The following CCT6A variants were observed in gnomAD, a reference collection of about 807,000 sequenced individuals.
CCT6A encodes the protein chaperonin containing TCP1 subunit 6A, also known as T-complex protein 1 subunit zeta.
Under a neutral mutation model 58.6 loss-of-function variants are expected in CCT6A, and 6 were observed. The observed-to-expected ratio is 0.10, with a 90% CI of 0.06 to 0.20. The LOEUF (loss-of-function observed/expected upper bound fraction) is 0.20, where lower values mean the gene tolerates loss of function less well. Among genes scored for constraint, CCT6A ranks in the 10% least tolerant of loss-of-function variants. The pLI, the probability that CCT6A is intolerant of heterozygous loss-of-function variation, is 1.00. For missense variants in CCT6A, 516 were observed against 648.8 expected (o/e 0.80, Z 2.22); for synonymous variants, 245 against 227.8 (o/e 1.08, Z -0.68).
chr7:56,062,080 G>T, intron 12 of CCT6A: 1 of 381,560 alleles, frequency 2.6e-6, no homozygotes, highest in Non-Finnish European at 4.7e-6. Context: ...ATGTTGAGTG[G>T]TGGTAGATGG....
chr7:56,051,910 C>G lies in CCT6A; in HGVS notation c.62C>G (p.Ala21Gly). ...GTGGCCCGAGCGCAGGCGGCGCTGG[C>G]GGTCAACATCAGCGCAGCGCGGGGT... ...AEVARAQAALAVNISAARGLQ... is the reference protein window; with the variant it reads ...AEVARAQAALGVNISAARGLQ... The change falls in exon 1 of 14, where the codon GCG (alanine) becomes GGG (glycine). Residue 21 changes from alanine (A) to glycine (G), a missense_variant. By Grantham distance (60) the Ala-to-Gly change is moderately conservative. This residue lies in a region of CCT6A where 116 missense variants were observed against 184.5 expected (regional missense o/e 0.63). Coordinates refer to ENST00000275603, the MANE Select transcript of CCT6A (RefSeq NM_001762.4). The G allele has an allele frequency of 2.6e-6, 4 of 1,553,308 alleles. No homozygotes were observed. Among genetic ancestry groups the G allele is most frequent in the Non-Finnish European group, 3.5e-6 (4 of 1,148,492 alleles).
chr7:56,058,535 C>T lies in CCT6A; in HGVS notation c.885+14C>T, dbSNP rs1562850624. 2 of 1,585,658 alleles carry T rather than the reference C, an allele frequency of 1.3e-6. No homozygotes were observed. Among genetic ancestry groups the T allele is most frequent in the African/African-American group, 2.7e-5 (2 of 73,518 alleles). ...ATTAATCAAAAGGTGAGAATGAAAA[C>T]TCAATGTATAAACTAAATAGTACGT... is the stretch of plus-strand genomic sequence containing the variant. On this transcript the variant is annotated intron_variant, in intron 7 of 13. Transcript: ENST00000275603.
chr7:56,059,269 G>A (rs1299658821), intron 8 of CCT6A, among the ~76,000 whole-genome samples: 1 of 152,066 alleles, frequency 6.6e-6, no homozygotes, highest in African/African-American at 2.4e-5. Flanking sequence ...CCAAAGTGTT[G>A]GGATTACAGG....
intron 13 of CCT6A, 59 bp downstream of exon 13, chr7:56,062,814 TTC>T: frequency 1.4e-6 from 2 of 1,451,110 alleles, no homozygotes; most frequent in Non-Finnish European, 1.9e-6. Flanking sequence ...TCATTTGGTG[TTC>T]TCTGTTTAGT....
chr7:56,053,810 T>C (rs957655909), intron 2 of CCT6A, among the ~76,000 whole-genome samples: 1 of 152,108 alleles, frequency 6.6e-6, no homozygotes, highest in African/African-American at 2.4e-5. Context: ...ACAGCGTAGG[T>C]AGAGAGAAGC....
chr7:56,061,034 A>G, intron 11 of CCT6A, 94 bp downstream of exon 11: 1 of 1,386,460 alleles, frequency 7.2e-7, no homozygotes, highest in Non-Finnish European at 9.7e-7. Flanking sequence ...GATTTTGGAT[A>G]AGCAAGTTTG....
chr7:56,060,184 C>G (rs1179442643), intron 9 of CCT6A, 85 bp from the exon 10 acceptor site: 1 of 1,143,164 alleles, frequency 8.7e-7, no homozygotes, highest in African/African-American at 1.5e-5. Flanking sequence ...TATTAATATG[C>G]TACTTGTCAT....
At chr7:56,056,942 G>A (rs1251218992) in intron 5 of CCT6A, among the ~76,000 whole-genome samples, 2 of 151,582 alleles carry the variant, frequency 1.3e-5, no homozygotes, top group Admixed American at 6.6e-5. Flanking sequence ...GACTACAGGC[G>A]CCCGCCACCA....
Position 56,058,484 on chromosome 7 carries a change from G to A in CCT6A, c.848G>A (p.Gly283Asp). The A allele has an allele frequency of 6.3e-7, 1 of 1,597,070 alleles. No individual in the cohort carries two copies. The highest frequency in any genetic ancestry group is 1.1e-5 in the South Asian group (1 of 87,290). The change falls in exon 7 of 14, where the codon GGC (glycine) becomes GAC (aspartate). Residue 283 changes from glycine (G) to aspartate (D), a missense_variant. By Grantham distance (94) the Gly-to-Asp change is moderately conservative. This residue lies in a region of CCT6A where 315 missense variants were observed against 389.4 expected (regional missense o/e 0.81). Coordinates refer to ENST00000275603, the MANE Select transcript of CCT6A (RefSeq NM_001762.4). The stretch of plus-strand genomic sequence containing the variant: ...ATAGAACTGAAAAGGAAAGTCTGTG[G>A]CGATTCAGATAAAGGATTTGTTGTT... ...KIIELKRKVC[G>D]DSDKGFVVIN...
rs770432509 is a variant in CCT6A at position 56,058,634 on chromosome 7, T to G, written c.900T>G (p.Phe300Leu). 2 of 1,606,522 alleles carry G rather than the reference T, an allele frequency of 1.2e-6. No individual in the cohort carries two copies. The highest frequency in any genetic ancestry group is 1.7e-6 in the Non-Finnish European group (2 of 1,173,916). Reference sequence around the variant, plus strand: ...TTTTGTTACAGGGAATTGACCCCTTTTCCTTAGATGCTCTTTCAAAAGAAG... The same window carrying G: ...TTTTGTTACAGGGAATTGACCCCTTGTCCTTAGATGCTCTTTCAAAAGAAG... ...VVINQKGIDP[F>L]SLDALSKEGI... Residue 300 changes from phenylalanine to leucine, a missense_variant, in exon 8 of 14, where the codon TTT becomes TTG. Around this residue, in one of 3 missense-constraint regions of CCT6A, gnomAD observed 315 missense variants for 389.4 expected, o/e 0.81. Coordinates refer to ENST00000275603, the MANE Select transcript of CCT6A (RefSeq NM_001762.4).
chr7:56,051,896 G>T lies in CCT6A; in HGVS notation c.48G>T (p.Ala16=), dbSNP rs1299665078. Residue 16 remains alanine (A), a synonymous_variant, in exon 1 of 14, where the codon GCG becomes GCT. Coordinates refer to ENST00000275603, the MANE Select transcript of CCT6A (RefSeq NM_001762.4). ...TLNPKAEVAR[A]QAALAVNISA... ...ACCCCAAGGCCGAGGTGGCCCGAGC[G>T]CAGGCGGCGCTGGCGGTCAACATCA... 1.3e-6 allele frequency: 2 copies of T among 1,556,624 alleles called. No individual in the cohort carries two copies. The highest frequency in any genetic ancestry group is 1.9e-5 in the Admixed American group (1 of 51,952).
intron 11 of CCT6A, 68 bp from the exon 12 acceptor site, chr7:56,061,679 T>C (rs576674343): frequency 0.02 from 8,648 of 440,584 alleles, 79 homozygotes; most frequent in East Asian, 0.045. Flanking sequence ...TTTTTTTTTT[T>C]TTTTTTTTTT....
chr7:56,063,215 C>T lies in CCT6A; in HGVS notation c.*130C>T. On this transcript the variant is annotated 3_prime_UTR_variant, in exon 14 of 14. Transcript: ENST00000275603. ...TCCCATATGAAAAAAGGAGAGAACACTGGCATCTGTTGAAATTTGGAAGTT... is the reference window on the plus strand; with the variant it reads ...TCCCATATGAAAAAAGGAGAGAACATTGGCATCTGTTGAAATTTGGAAGTT... 1.4e-6 allele frequency: 1 copy of T among 691,404 alleles called. No individual in the cohort carries two copies. The highest frequency in any genetic ancestry group is 1.7e-5 in the South Asian group (1 of 59,636). 42.8% of individuals were successfully genotyped at this position (691,404 alleles called of 1,614,324 possible). A position where few individuals can be genotyped will look rare whatever the true frequency, so the allele number is the denominator to read the frequency against.
chr7:56,061,894 G>A (rs761821242), intron 12 of CCT6A, 45 bp downstream of exon 12: 8 of 1,074,814 alleles, frequency 7.4e-6, no homozygotes, highest in African/African-American at 1.7e-5. Context: ...GATGTAATAC[G>A]TGTGAGTTGA....
chr7:56,058,446 G>A lies in CCT6A; in HGVS notation c.810G>A (p.Arg270=), dbSNP rs144163451. 8.8e-4 allele frequency: 1,416 copies of A among 1,603,402 alleles called. No homozygotes were observed. The highest frequency in any genetic ancestry group is 9.9e-4 in the Non-Finnish European group (1,162 of 1,175,634). Residue 270 remains arginine (R), a synonymous_variant, in exon 7 of 14, where the codon AGG becomes AGA. Coordinates refer to ENST00000275603, the MANE Select transcript of CCT6A (RefSeq NM_001762.4). The part of the protein sequence containing the change: ...VKAERKFIED[R]VKKIIELKRK... ...CTGAAAGAAAATTCATTGAAGATAG[G>A]GTTAAAAAAATAATAGAACTGAAAA...
chr7:56,051,783 C>T lies in CCT6A; in HGVS notation c.-66C>T, dbSNP rs1330904623. 5.2e-6 allele frequency: 8 copies of T among 1,530,314 alleles called. No homozygotes were observed. The African/African-American group carries it at 5.7e-5, about 11-fold the overall frequency. The allele number at this position is 1,530,314 out of a possible 1,614,324, so 94.8% of individuals were successfully genotyped here. On this transcript the variant is annotated 5_prime_UTR_variant, in exon 1 of 14. Transcript: ENST00000275603. ...CTTTTCCAGAAGACCCGGATAGTTCCTCCCGGCCACGCCGCGCCGGCTCTG... is the reference window on the plus strand; with the variant it reads ...CTTTTCCAGAAGACCCGGATAGTTCTTCCCGGCCACGCCGCGCCGGCTCTG...
At chr7:56,057,736 C>T (rs553445506) in intron 5 of CCT6A, among the ~76,000 whole-genome samples, 2 of 152,094 alleles carry the variant, frequency 1.3e-5, no homozygotes, top group African/African-American at 2.4e-5. Flanking sequence ...AAAGAATTAG[C>T]TGGGCATGGT....
intron 2 of CCT6A, among the ~76,000 whole-genome samples, chr7:56,053,846 A>G (rs1562848514): frequency 6.6e-6 from 1 of 152,188 alleles, no homozygotes; most frequent in African/African-American, 2.4e-5. Context: ...AATTTAAGAA[A>G]TAATTATAAA....
chr7:56,060,810 G>A lies in CCT6A; in HGVS notation c.1217G>A (p.Cys406Tyr), dbSNP rs1304301430. ...TTCCTTTTCCCCCATCCAACAGGCT[G>A]TGTGGTTCCAGGTGCTGGTGCCGTG... ...RAVKNAIDDG[C>Y]VVPGAGAVEV... Residue 406 changes from cysteine to tyrosine, a missense_variant, in exon 11 of 14, where the codon TGT (cysteine) becomes TAT (tyrosine). Physicochemically the swap from Cys to Tyr is radical, Grantham distance 194. Transcript: ENST00000275603. 5.0e-6 allele frequency: 8 copies of A among 1,609,486 alleles called. No homozygotes were observed. The highest frequency in any genetic ancestry group is 6.8e-6 in the Non-Finnish European group (8 of 1,179,216).
Sources: gnomAD v4.1 joint callset for allele counts (sites outside exome capture counted in the v4.1 genomes callset) on GRCh38, gnomAD v4.1.1 for gene constraint, gnomAD v4.1.1 regional missense constraint, MANE v1.5 for transcripts, NCBI Gene and HGNC (gene_info 2026-07-23, HGNC 2026-07-21) for gene names.